SMC2: variants seen among roughly 807,000 people sequenced by gnomAD.
SMC2 encodes the protein structural maintenance of chromosomes protein 2.
A neutral mutation model predicts 142.6 loss-of-function variants in SMC2; 41 were observed. That is an observed-to-expected ratio of 0.29 (90% CI 0.22 to 0.37). The LOEUF is 0.37. Among genes scored for constraint, SMC2 ranks in the 10% least tolerant of loss-of-function variants. The probability of loss-of-function intolerance (pLI) is 1.00; values close to 1 mark genes in which losing one functional copy is unlikely to be tolerated. For synonymous variants in SMC2, 463 were observed against 457.5 expected (o/e 1.01, Z -0.15); for missense variants, 1,265 against 1,373.7 (o/e 0.92, Z 1.25).
Position 104,123,221 on chromosome 9 carries a change from A to C in SMC2, c.2246A>C (p.Lys749Thr). 6.2e-7 allele frequency: 1 copy of C among 1,612,334 alleles called. No individual in the cohort carries two copies. The highest frequency in any genetic ancestry group is 1.1e-5 in the South Asian group (1 of 90,844). The stretch of plus-strand genomic sequence containing the variant: ...CAACAAGAAGAATTAGATGCCCTTA[A>C]AAAAACCATTGGTAAGATGAAAACA... ...HKQQEELDAL[K>T]KTIEESEETL... The change falls in exon 17 of 25, where the codon AAA becomes ACA. Residue 749 changes from lysine to threonine, a missense_variant. This residue lies in a region of SMC2 where 898 missense variants were observed against 904.2 expected (regional missense o/e 0.99). Transcript: ENST00000374793.
chr9:104,114,100 G>T lies in SMC2; in HGVS notation c.1532+19G>T, dbSNP rs371289805. The T allele has an allele frequency of 1.6e-5, 22 of 1,339,716 alleles. No homozygotes were observed. The East Asian group carries it at 5.4e-4, about 33-fold the overall frequency. The allele number at this position is 1,339,716 out of a possible 1,614,324, so 83.0% of individuals were successfully genotyped here. On this transcript the variant is annotated intron_variant, in intron 12 of 24. Transcript: ENST00000374793. ...CATACAAGTAAGAGACTTAAGCCTT[G>T]AATTTTAACATAGTAATAATCAAGA...
In SMC2 at chr9:104,105,604, G is replaced by A. The variant is rs555596421; in HGVS notation, c.1020+3031G>A. On this transcript the variant is annotated intron_variant, in intron 9 of 24. Transcript: ENST00000374793. ...GATTCTCTTTCCTTCATCACCAATG[G>A]GACCTGCCCACTGAGGTTATGTTAG... is the stretch of plus-strand genomic sequence containing the variant. Among the ~76,000 whole-genome samples the A allele has an allele frequency of 2.0e-5, 3 of 152,160 alleles. No homozygotes were observed. In the East Asian group the frequency reaches 5.8e-4, roughly 30 times the overall value.
chr9:104,108,811 G>T (rs1006639368), intron 9 of SMC2, among the ~76,000 whole-genome samples: 4 of 152,178 alleles, frequency 2.6e-5, no homozygotes, highest in Non-Finnish European at 5.9e-5. Context: ...AGTGTTGGAT[G>T]GAGTTTCATG....
At chr9:104,099,529 C>A in intron 4 of SMC2, 115 bp from the exon 5 acceptor site, 1 of 662,636 alleles carries the variant, frequency 1.5e-6, no homozygotes, top group Non-Finnish European at 2.7e-6. Context: ...AAAGACCCCC[C>A]CAAAGATTGG....
chr9:104,095,866 T>C (rs1048325690), intron 2 of SMC2, among the ~76,000 whole-genome samples: 1 of 152,202 alleles, frequency 6.6e-6, no homozygotes, highest in African/African-American at 2.4e-5. Flanking sequence ...AGTGAAAATC[T>C]TTGGGACAGT....
At position 104,113,406 on chromosome 9, in the gene SMC2, G is replaced by A; in HGVS notation, c.1345G>A (p.Glu449Lys). Residue 449 changes from glutamate to lysine, a missense_variant, in exon 11 of 25, where the codon GAA (glutamate) becomes AAA (lysine). Transcript: ENST00000374793. ...GGATAGTGGCTACAGGAAGGATCAA[G>A]AAGCTCTAGAAGCTGTAAAAAGACT... The part of the protein sequence containing the change: ...KMDSGYRKDQ[E>K]ALEAVKRLKE... 1 of 1,609,914 alleles carries A rather than the reference G, an allele frequency of 6.2e-7. No individual in the cohort carries two copies. The highest frequency in any genetic ancestry group is 8.5e-7 in the Non-Finnish European group (1 of 1,178,322).
intron 5 of SMC2, 42 bp from the exon 6 acceptor site, chr9:104,100,051 C>T: frequency 9.2e-7 from 1 of 1,087,800 alleles, no homozygotes; most frequent in Non-Finnish European, 1.4e-6. Flanking sequence ...CAGTTGGACA[C>T]ATTGTCTTGG....
intron 15 of SMC2, among the ~76,000 whole-genome samples, chr9:104,119,577 T>C (rs1587958246): frequency 6.6e-6 from 1 of 152,214 alleles, no homozygotes; most frequent in Non-Finnish European, 1.5e-5. Flanking sequence ...TGCTCAGTGC[T>C]ATTCTCATTC....
At chr9:104,124,882 T>TTAGCCACATTTGCTTACTTTGTGATGC in intron 17 of SMC2, 30 bp from the exon 18 acceptor site, 1 of 1,539,492 alleles carries the variant, frequency 6.5e-7, no homozygotes, top group Non-Finnish European at 8.7e-7. Flanking sequence ...CATTGTTAAC[T>TTAGCCACATTTGCTTACTTTGTGATGC]TAGCCACATT....
intron 9 of SMC2, 145 bp from the exon 10 acceptor site, chr9:104,111,436 G>A (rs1832433726): frequency 2.1e-5 from 12 of 571,030 alleles, no homozygotes; most frequent in South Asian, 1.9e-4. Context: ...TGATAATTCA[G>A]TATTTATAAA....
At chr9:104,114,603 T>C in intron 12 of SMC2, 88 bp from the exon 13 acceptor site, 1 of 1,151,128 alleles carries the variant, frequency 8.7e-7, no homozygotes, top group Admixed American at 2.6e-5. Flanking sequence ...CACTTTAATG[T>C]GTTGTCCAAA....
intron 11 of SMC2, 28 bp from the exon 12 acceptor site, chr9:104,113,936 T>C (rs754696941): frequency 7.1e-7 from 1 of 1,411,132 alleles, no homozygotes; most frequent in Non-Finnish European, 9.7e-7. Flanking sequence ...TAAAACTTGG[T>C]TTTAATTTAT....
intron 9 of SMC2, among the ~76,000 whole-genome samples, chr9:104,107,712 T>C (rs1490578686): frequency 6.6e-6 from 1 of 152,250 alleles, no homozygotes; most frequent in African/African-American, 2.4e-5. Flanking sequence ...TGGCTTTCTG[T>C]CCAAGTGACC....
At chr9:104,096,051 C>T (rs1321743164) in intron 2 of SMC2, 97 bp from the exon 3 acceptor site, 7 of 1,090,110 alleles carry the variant, frequency 6.4e-6, no homozygotes, top group African/African-American at 6.3e-5. Context: ...ATGGACACTA[C>T]GTTGGTGGGT....
intron 22 of SMC2, among the ~76,000 whole-genome samples, chr9:104,133,109 G>C (rs1245695488): frequency 6.6e-6 from 1 of 152,062 alleles, no homozygotes; most frequent in African/African-American, 2.4e-5. Flanking sequence ...GACAAAGCCA[G>C]AGTATTCTAG....
At chr9:104,088,284 CTGGCACCTTAATGAGTGAGCAGCA>C in the SMC2 span, among the ~76,000 whole-genome samples, 1 of 151,674 alleles carries the variant, frequency 6.6e-6, no homozygotes, top group Non-Finnish European at 1.5e-5. Context: ...CTATTCTTTT[CTGGCACCTTAATGAGTGAGCAGCA>C]AATGAACCCC....
intron 7 of SMC2, among the ~76,000 whole-genome samples, chr9:104,101,241 C>T (rs950827007): frequency 2.0e-5 from 3 of 152,206 alleles, no homozygotes; most frequent in South Asian, 4.1e-4. Context: ...AGCCAAACGA[C>T]GTTTTTAAAG....
At chr9:104,126,606 C>T (rs1182504021) in intron 18 of SMC2, 35 bp from the exon 19 acceptor site, 2 of 1,542,450 alleles carry the variant, frequency 1.3e-6, no homozygotes, top group Non-Finnish European at 1.8e-6. Flanking sequence ...TAGTTAATAA[C>T]CTATATGAAT....
chr9:104,102,958 T>C (rs1319324637), intron 9 of SMC2, among the ~76,000 whole-genome samples: 2 of 152,132 alleles, frequency 1.3e-5, no homozygotes, highest in African/African-American at 4.8e-5. Flanking sequence ...AGTATGAATA[T>C]AATAGGCTTG....
Sources: allele counts gnomAD v4.1 joint callset (sites outside exome capture counted in the v4.1 genomes callset), GRCh38; gene constraint gnomAD v4.1.1; regional missense constraint gnomAD v4.1.1; transcripts MANE v1.5; gene names NCBI Gene and HGNC (gene_info 2026-07-23, HGNC 2026-07-21).